COG5: variants seen among roughly 807,000 people sequenced by gnomAD.
COG5 encodes component of oligomeric golgi complex 5.
COG5 carries 86 observed loss-of-function variants against 110.4 expected under a neutral mutation model. That is an observed-to-expected ratio of 0.78 (90% confidence interval 0.65 to 0.93). The LOEUF is 0.93. Ranked by LOEUF, COG5 falls within the 40% of genes least tolerant of loss-of-function variation. The probability of loss-of-function intolerance (pLI) is 0.00; values close to 1 mark genes in which losing one functional copy is unlikely to be tolerated. For missense variants in COG5, 1,077 were observed against 987.0 expected, an observed-to-expected ratio of 1.09 and a Z score of -1.22; for synonymous variants, 360 against 334.6, an observed-to-expected ratio of 1.08 and a Z score of -0.83.
At chr7:107,375,573 T>C (rs1246331781) in intron 7 of COG5, among the ~76,000 whole-genome samples, 2 of 152,048 alleles carry the variant, frequency 1.3e-5, no homozygotes, top group African/African-American at 4.8e-5. Flanking sequence ...ATGATTTTAA[T>C]TTGTATTTCT....
At position 107,550,072 on chromosome 7, in the gene COG5, C is replaced by T. The variant is rs549052302; in HGVS notation, c.293-1740G>A. 6.7e-5 allele frequency among the ~76,000 whole-genome samples: 10 copies of T among 150,090 alleles called. No homozygotes were observed. The South Asian group carries it at 2.1e-3, about 31-fold the overall frequency. On this transcript the variant is annotated intron_variant, in intron 3 of 21. Coordinates refer to ENST00000297135, the MANE Select transcript of COG5 (RefSeq NM_006348.5). Reference sequence around the variant, plus strand: ...GATACCCAAGACAGTTTATGCCCTACCCCCCAACCTATCAAAAATCACACT... The same window carrying T: ...GATACCCAAGACAGTTTATGCCCTATCCCCCAACCTATCAAAAATCACACT...
chr7:107,261,254 T>C (rs1373016770), intron 14 of COG5, among the ~76,000 whole-genome samples: 1 of 152,158 alleles, frequency 6.6e-6, no homozygotes, highest in Non-Finnish European at 1.5e-5. Context: ...AGGAATACTG[T>C]ATGTTCTCTA....
rs193227946 is a variant in COG5 at position 107,508,381 on chromosome 7, G to A, written c.538+18856C>T. ...TTGATTAGGTAAACAAAGCAGCCCC[G>A]AAGCTCCAACTGGGTGGAGCCCACC... On this transcript the variant is annotated intron_variant, in intron 6 of 21. Coordinates refer to ENST00000297135, the MANE Select transcript of COG5 (RefSeq NM_006348.5). Among the ~76,000 whole-genome samples, 129 of 152,318 alleles carry A rather than the reference G, an allele frequency of 8.5e-4. 1 individual carries two copies. Among genetic ancestry groups the A allele is most frequent in the South Asian group, 8.1e-3 (39 of 4,828 alleles).
intron 6 of COG5, among the ~76,000 whole-genome samples, chr7:107,447,313 A>G (rs1252540528): frequency 2.0e-5 from 3 of 152,198 alleles, no homozygotes; most frequent in Non-Finnish European, 4.4e-5. Flanking sequence ...CTTAGCCCAT[A>G]TCTAGGTCCA....
intron 6 of COG5, among the ~76,000 whole-genome samples, chr7:107,519,925 A>C (rs1800208279): frequency 6.6e-6 from 1 of 152,252 alleles, no homozygotes; most frequent in Non-Finnish European, 1.5e-5. Context: ...ATCCAGCAGC[A>C]CAGTAAAAAA....
intron 10 of COG5, among the ~76,000 whole-genome samples, chr7:107,333,773 C>A (rs1014679127): frequency 6.6e-6 from 1 of 152,052 alleles, no homozygotes; most frequent in African/African-American, 2.4e-5. Context: ...TTAATGCTAA[C>A]TAGAACAGTA....
chr7:107,512,580 C>T (rs922130521), intron 6 of COG5, among the ~76,000 whole-genome samples: 2 of 152,168 alleles, frequency 1.3e-5, no homozygotes, highest in African/African-American at 2.4e-5. Flanking sequence ...AAAGAGCCCA[C>T]ATTGCCAAGT....
At chr7:107,504,419 T>C (rs1028269957) in intron 6 of COG5, among the ~76,000 whole-genome samples, 21 of 152,328 alleles carry the variant, frequency 1.4e-4, no homozygotes, top group African/African-American at 5.0e-4. Context: ...TTGAAAATTT[T>C]TGCATCAATG....
chr7:107,449,113 G>A (rs1176802588), intron 6 of COG5, among the ~76,000 whole-genome samples: 1 of 152,050 alleles, frequency 6.6e-6, no homozygotes, highest in African/African-American at 2.4e-5. Context: ...CTGATAAGTG[G>A]GAGTTGAACA....
At chr7:107,331,980 C>T (rs1198226596) in intron 10 of COG5, among the ~76,000 whole-genome samples, 3 of 151,966 alleles carry the variant, frequency 2.0e-5, no homozygotes, top group African/African-American at 4.8e-5. Flanking sequence ...TCCTGAGTAG[C>T]TGGGATTACA....
chr7:107,221,840 CAGAT>C (rs1369151245), intron 19 of COG5, among the ~76,000 whole-genome samples: 1 of 151,830 alleles, frequency 6.6e-6, no homozygotes, highest in African/African-American at 2.4e-5. Flanking sequence ...TAATGAGAAT[CAGAT>C]AGCTGATTCT....
chr7:107,302,513 C>T (rs367993337), intron 11 of COG5, among the ~76,000 whole-genome samples: 4 of 152,118 alleles, frequency 2.6e-5, no homozygotes, highest in Non-Finnish European at 4.4e-5. Flanking sequence ...ACTTTCAAGA[C>T]GTGTTGTTTA....
intron 6 of COG5, among the ~76,000 whole-genome samples, chr7:107,496,345 A>C (rs950108677): frequency 6.6e-6 from 1 of 152,168 alleles, no homozygotes; most frequent in Non-Finnish European, 1.5e-5. Flanking sequence ...CTGGAATACA[A>C]GAGTAGTTCA....
intron 1 of COG5, among the ~76,000 whole-genome samples, chr7:107,558,579 G>C (rs1321927767): frequency 2.0e-5 from 3 of 151,562 alleles, no homozygotes; most frequent in Non-Finnish European, 4.4e-5. Flanking sequence ...AATCCAGCCT[G>C]GGTGACAGAG....
intron 14 of COG5, among the ~76,000 whole-genome samples, chr7:107,271,752 T>G (rs1191267961): frequency 2.6e-5 from 4 of 152,104 alleles, no homozygotes; most frequent in Non-Finnish European, 5.9e-5. Context: ...TGCCTCATCT[T>G]TATTATTTCC....
At chr7:107,307,531 A>G (rs1056618729) in intron 11 of COG5, among the ~76,000 whole-genome samples, 4 of 152,150 alleles carry the variant, frequency 2.6e-5, no homozygotes, top group African/African-American at 9.7e-5. Flanking sequence ...CCCCTCCATC[A>G]CTACCAGTTA....
intron 6 of COG5, among the ~76,000 whole-genome samples, chr7:107,500,122 A>T (rs1798545593): frequency 6.6e-6 from 1 of 152,212 alleles, no homozygotes; most frequent in Non-Finnish European, 1.5e-5. Context: ...TCAATCAGTA[A>T]TGTATGCTAC....
At position 107,523,859 on chromosome 7, in the gene COG5, G is replaced by T. The variant is rs535637309; in HGVS notation, c.538+3378C>A. On this transcript the variant is annotated intron_variant, in intron 6 of 21. Coordinates refer to ENST00000297135, the MANE Select transcript of COG5 (RefSeq NM_006348.5). ...AGAATGTAAACATTACAACAACTTT[G>T]AAAAATAATCTTGGCAATTTTTTAA... Among the ~76,000 whole-genome samples, 18 of 151,624 alleles carry T rather than the reference G, an allele frequency of 1.2e-4. No homozygotes were observed. In the South Asian group the frequency reaches 1.9e-3, roughly 16 times the overall value.
chr7:107,337,124 C>T (rs1046035332), intron 10 of COG5, among the ~76,000 whole-genome samples: 1 of 151,784 alleles, frequency 6.6e-6, no homozygotes, highest in Non-Finnish European at 1.5e-5. Flanking sequence ...GTTAGAATGA[C>T]TACTATTAAA....
Sources: allele counts gnomAD v4.1 joint callset (sites outside exome capture counted in the v4.1 genomes callset), GRCh38; gene constraint gnomAD v4.1.1; transcripts MANE v1.5; gene names NCBI Gene and HGNC (gene_info 2026-07-23, HGNC 2026-07-21).